KCNG3: variants seen among roughly 807,000 people sequenced by gnomAD.
KCNG3 encodes the protein voltage-gated potassium channel regulatory subunit KCNG3.
Under a neutral mutation model 29.0 loss-of-function variants are expected in KCNG3, and 15 were observed. The ratio of observed to expected loss-of-function variants is 0.52; its 90% CI spans 0.35 to 0.80. The LOEUF is 0.80. Among genes scored for constraint, KCNG3 ranks in the 30% least tolerant of loss-of-function variants. The pLI is 0.01. For missense variants in KCNG3, 512 were observed against 605.7 expected (o/e 0.85, Z 1.62); for synonymous variants, 322 against 248.9 (o/e 1.29, Z -2.76).
chr2:42,389,878 G>A, the KCNG3 span, among the ~76,000 whole-genome samples: 134 of 152,262 alleles, frequency 8.8e-4, 1 homozygote, highest in African/African-American at 3.2e-3. Context: ...GGTGCTTTGG[G>A]GGCTTGCTGT....
chr2:42,396,427 T>C, the KCNG3 span, among the ~76,000 whole-genome samples: 3 of 152,238 alleles, frequency 2.0e-5, no homozygotes, highest in Non-Finnish European at 4.4e-5. Context: ...TTCTGTTTTT[T>C]CTTTTCTAGT....
At position 42,472,115 on chromosome 2, in the gene KCNG3, C is replaced by G. The variant is rs11693338; in HGVS notation, c.665+20722G>C. On this transcript the variant is annotated intron_variant, in intron 1 of 1. Coordinates refer to ENST00000306078, the MANE Select transcript of KCNG3 (RefSeq NM_133329.6). The stretch of plus-strand genomic sequence containing the variant: ...ACTTTTCAATACAGCAACTCCAATC[C>G]TAGGTAGATGCATTAAAGAAGGTCT... Among the ~76,000 whole-genome samples, 3 of 152,090 alleles carry G rather than the reference C, an allele frequency of 2.0e-5. No individual in the cohort carries two copies. In the East Asian group the frequency reaches 5.8e-4, roughly 29 times the overall value.
intron 1 of KCNG3, among the ~76,000 whole-genome samples, chr2:42,473,317 T>C (rs376727133): frequency 7.9e-5 from 12 of 152,152 alleles, no homozygotes; most frequent in Admixed American, 5.9e-4. Flanking sequence ...TTATGCATAA[T>C]TTCCTCTTCT....
chr2:42,441,925 T>C (rs1672495639), downstream of KCNG3: 1 of 151,916 alleles, frequency 6.6e-6, no homozygotes, highest in Non-Finnish European at 1.5e-5. Context: ...CAAAGGTGTA[T>C]GCATGAGAGA....
At chr2:42,404,619 T>C in the KCNG3 span, among the ~76,000 whole-genome samples, 2 of 151,946 alleles carry the variant, frequency 1.3e-5, no homozygotes, top group Admixed American at 6.6e-5. Context: ...TCCCAGCTAC[T>C]TGGGAGGCTG....
intron 1 of KCNG3, among the ~76,000 whole-genome samples, chr2:42,472,855 T>C (rs538996799): frequency 2.0e-5 from 3 of 147,186 alleles, no homozygotes; most frequent in Non-Finnish European, 4.5e-5. Context: ...TGTAAATATA[T>C]AATCTATAAA....
At chr2:42,477,574 T>C (rs1295416943) in intron 1 of KCNG3, among the ~76,000 whole-genome samples, 1 of 150,934 alleles carries the variant, frequency 6.6e-6, no homozygotes, top group East Asian at 2.0e-4. Flanking sequence ...CAATACAAAA[T>C]TTTTATTAGA....
chr2:42,473,453 G>A lies in KCNG3; in HGVS notation c.665+19384C>T, dbSNP rs190204780. Among the ~76,000 whole-genome samples the A allele has an allele frequency of 7.4e-3, 1,118 of 150,412 alleles. 8 individuals are homozygous for A. Among genetic ancestry groups the A allele is most frequent in the Non-Finnish European group, 0.012 (808 of 67,446 alleles). On this transcript the variant is annotated intron_variant, in intron 1 of 1. Coordinates refer to ENST00000306078, the MANE Select transcript of KCNG3 (RefSeq NM_133329.6). ...CAACCTCCGCCTCCCAGGTTCAAGG[G>A]ATTCTCCTGCCTCAGCCTCCTGAGT...
chr2:42,432,055 A>T, the KCNG3 span, among the ~76,000 whole-genome samples: 1 of 150,978 alleles, frequency 6.6e-6, no homozygotes, highest in Non-Finnish European at 1.5e-5. Flanking sequence ...AAAAAAAAAA[A>T]TCTGGGCTTA....
chr2:42,438,831 T>C (rs1672420492), downstream of KCNG3, among the ~76,000 whole-genome samples: 1 of 149,956 alleles, frequency 6.7e-6, no homozygotes, highest in South Asian at 2.1e-4. Flanking sequence ...AGTAAATCAT[T>C]AGTCTACTTT....
chr2:42,444,352 C>CA lies in KCNG3; in HGVS notation c.892dup (p.Trp298LeufsTer4). The CA allele has an allele frequency of 6.2e-7, 1 of 1,614,078 alleles. No individual in the cohort carries two copies. The highest frequency in any genetic ancestry group is 8.5e-7 in the Non-Finnish European group (1 of 1,180,000). On this transcript the variant is annotated frameshift_variant, in exon 2 of 2. Transcript: ENST00000306078. LOFTEE classifies it high-confidence loss of function. The surrounding 1 kb of genome is among the most constrained non-coding windows in gnomAD (Gnocchi z 5.8). Reference sequence around the variant, plus strand: ...GAAGTGACGGGCAAGCTTAATCACCCAAAAAATCCTCATCATTCTAAGTAC... The same window carrying CA: ...GAAGTGACGGGCAAGCTTAATCACCCAAAAAAATCCTCATCATTCTAAGTAC...
the KCNG3 span, among the ~76,000 whole-genome samples, chr2:42,420,775 A>G: frequency 1.3e-5 from 2 of 152,138 alleles, no homozygotes; most frequent in South Asian, 4.1e-4. Context: ...GGGTAACAAG[A>G]GCAAAACTCT....
chr2:42,404,051 G>C, the KCNG3 span, among the ~76,000 whole-genome samples: 2 of 152,074 alleles, frequency 1.3e-5, no homozygotes, highest in Non-Finnish European at 2.9e-5. Context: ...ATGATATAAA[G>C]GTTACCTTTT....
the KCNG3 span, among the ~76,000 whole-genome samples, chr2:42,422,333 C>T: frequency 6.6e-6 from 1 of 152,094 alleles, no homozygotes; most frequent in Non-Finnish European, 1.5e-5. Context: ...CTCTCTCTCT[C>T]TTGCCCATGC....
At chr2:42,481,140 G>A (rs1182413890) in intron 1 of KCNG3, among the ~76,000 whole-genome samples, 1 of 152,166 alleles carries the variant, frequency 6.6e-6, no homozygotes, top group Admixed American at 6.6e-5. Flanking sequence ...GCCTGAGTTC[G>A]TCTGCGGGTT....
the KCNG3 span, among the ~76,000 whole-genome samples, chr2:42,408,921 C>A: frequency 6.6e-6 from 1 of 152,144 alleles, no homozygotes; most frequent in African/African-American, 2.4e-5. Context: ...TTCCTGGTGT[C>A]TCCAAGTTTC....
At chr2:42,483,104 G>C (rs1328799325) in intron 1 of KCNG3, among the ~76,000 whole-genome samples, 4 of 152,130 alleles carry the variant, frequency 2.6e-5, no homozygotes, top group Non-Finnish European at 5.9e-5. Context: ...CTGGGTGACA[G>C]ATCAAGACCC....
intron 1 of KCNG3, among the ~76,000 whole-genome samples, chr2:42,457,670 A>C (rs978231472): frequency 1.5e-4 from 5 of 32,466 alleles, no homozygotes; most frequent in African/African-American, 2.5e-4. Flanking sequence ...CACACACACA[A>C]GGCTGGGCGC....
At chr2:42,482,301 G>C (rs1032661847) in intron 1 of KCNG3, among the ~76,000 whole-genome samples, 2 of 152,202 alleles carry the variant, frequency 1.3e-5, no homozygotes, top group African/African-American at 2.4e-5. Flanking sequence ...CCTACAGATC[G>C]GGCATAGTGG....
Sources: gnomAD v4.1 joint callset for allele counts (sites outside exome capture counted in the v4.1 genomes callset) on GRCh38, gnomAD v4.1.1 for gene constraint, Gnocchi (gnomAD v3.1) non-coding constraint, MANE v1.5 for transcripts, NCBI Gene and HGNC (gene_info 2026-07-23, HGNC 2026-07-21) for gene names.